The following HOOK3 variants were observed in gnomAD, a reference collection of about 807,000 sequenced individuals.
HOOK3 encodes the protein hook microtubule tethering protein 3.
HOOK3 carries 24 observed loss-of-function variants against 116.3 expected under a neutral mutation model. The observed-to-expected ratio is 0.21, with a 90% CI of 0.15 to 0.29. The LOEUF (loss-of-function observed/expected upper bound fraction) is 0.29. Ranked by LOEUF, HOOK3 falls within the 10% of genes least tolerant of loss-of-function variation. The pLI is 1.00. For synonymous variants in HOOK3, 275 were observed against 283.0 expected (o/e 0.97, Z 0.28); for missense variants, 632 against 830.2 (o/e 0.76, Z 2.93).
chr8:42,968,341 C>G (rs1808669424), intron 11 of HOOK3, 127 bp downstream of exon 11: 2 of 652,466 alleles, frequency 3.1e-6, no homozygotes, highest in South Asian at 2.0e-5. Flanking sequence ...TGTATTGATT[C>G]ATTTAGGAGA....
intron 16 of HOOK3, among the ~76,000 whole-genome samples, chr8:42,999,937 G>C (rs1218638663): frequency 6.6e-6 from 1 of 152,060 alleles, no homozygotes; most frequent in Non-Finnish European, 1.5e-5. Context: ...ACGAGGTCAG[G>C]AGATCGAGAT....
In HOOK3 at chr8:43,018,474, C is replaced by T. The variant is rs756792951; in HGVS notation, c.2133C>T (p.His711=). ...GCAGCAGAAGATCATACCCAGGCCACGTGCAGCCGGCCACAGCAAGGTAGA... is the reference window on the plus strand; with the variant it reads ...GCAGCAGAAGATCATACCCAGGCCATGTGCAGCCGGCCACAGCAAGGTAGA... ...ATSSRRSYPG[H]VQPATAR Residue 711 remains histidine, a synonymous_variant, in exon 22 of 22, where the codon CAC becomes CAT. Transcript: ENST00000307602. 8.7e-6 allele frequency: 14 copies of T among 1,612,544 alleles called. No individual in the cohort carries two copies. Among genetic ancestry groups the T allele is most frequent in the Middle Eastern group, 3.3e-4 (2 of 6,060 alleles).
chr8:42,976,388 T>G (rs939289820), intron 13 of HOOK3, among the ~76,000 whole-genome samples: 1 of 152,042 alleles, frequency 6.6e-6, no homozygotes, highest in African/African-American at 2.4e-5. Context: ...TGTGTGCCTG[T>G]GGGCCCAACT....
chr8:42,936,159 C>T (rs1239696940), intron 4 of HOOK3, among the ~76,000 whole-genome samples: 1 of 152,120 alleles, frequency 6.6e-6, no homozygotes, highest in Non-Finnish European at 1.5e-5. Flanking sequence ...GTAGCAGTTG[C>T]AAATGGGAGT....
intron 3 of HOOK3, among the ~76,000 whole-genome samples, chr8:42,928,646 G>C (rs929214806): frequency 6.6e-5 from 10 of 152,134 alleles, no homozygotes; most frequent in African/African-American, 2.4e-4. Context: ...GTAGTATATG[G>C]AGATGGGTAG....
chr8:42,978,371 G>A (rs527475257), intron 13 of HOOK3, among the ~76,000 whole-genome samples: 5 of 150,976 alleles, frequency 3.3e-5, no homozygotes, highest in African/African-American at 1.2e-4. Context: ...AGCCTCCTGA[G>A]TAGCTGGGAT....
chr8:42,989,876 A>G (rs1809123617), intron 15 of HOOK3, among the ~76,000 whole-genome samples: 1 of 152,176 alleles, frequency 6.6e-6, no homozygotes. Flanking sequence ...ACTTAACATA[A>G]TGACCTTCAG....
chr8:42,943,992 C>G (rs1476516671), intron 5 of HOOK3, among the ~76,000 whole-genome samples: 1 of 152,152 alleles, frequency 6.6e-6, no homozygotes, highest in Non-Finnish European at 1.5e-5. Flanking sequence ...CTGGCAGATA[C>G]TTTTCCTTAA....
chr8:42,916,211 C>T (rs1471069430), intron 2 of HOOK3, among the ~76,000 whole-genome samples: 1 of 152,188 alleles, frequency 6.6e-6, no homozygotes, highest in African/African-American at 2.4e-5. Flanking sequence ...TCTTATCCTG[C>T]TCTATTGTAG....
chr8:42,968,795 A>G (rs972617607), intron 11 of HOOK3, among the ~76,000 whole-genome samples: 1 of 152,206 alleles, frequency 6.6e-6, no homozygotes, highest in African/African-American at 2.4e-5. Context: ...GTAAATATTC[A>G]TGCTTGAATA....
chr8:42,996,745 A>T (rs1809276621), intron 15 of HOOK3, among the ~76,000 whole-genome samples: 1 of 152,172 alleles, frequency 6.6e-6, no homozygotes, highest in Non-Finnish European at 1.5e-5. Context: ...TCAAGCCCAG[A>T]GTATTTTAAC....
chr8:42,900,291 C>G (rs1352776812), intron 1 of HOOK3, among the ~76,000 whole-genome samples: 2 of 152,140 alleles, frequency 1.3e-5, no homozygotes, highest in Admixed American at 6.5e-5. Flanking sequence ...TTTGCCCTGC[C>G]AATTACACCT....
At chr8:42,945,374 A>T (rs1173191462) in intron 5 of HOOK3, among the ~76,000 whole-genome samples, 1 of 152,018 alleles carries the variant, frequency 6.6e-6, no homozygotes, top group Non-Finnish European at 1.5e-5. Context: ...CAGTGGCATG[A>T]TCTCAGCTCA....
chr8:42,929,989 C>G, intron 3 of HOOK3, 133 bp from the exon 4 acceptor site: 1 of 758,988 alleles, frequency 1.3e-6, no homozygotes, highest in Non-Finnish European at 2.0e-6. Context: ...TTCAAATATG[C>G]TTTTGAATTT....
intron 4 of HOOK3, among the ~76,000 whole-genome samples, chr8:42,935,343 C>T (rs1807947251): frequency 6.6e-6 from 1 of 152,010 alleles, no homozygotes; most frequent in African/African-American, 2.4e-5. Context: ...TGTAGGTTGC[C>T]TTTTCACTCT....
chr8:42,960,606 C>G (rs546922658), intron 8 of HOOK3, among the ~76,000 whole-genome samples: 13 of 152,220 alleles, frequency 8.5e-5, no homozygotes, highest in Admixed American at 8.5e-4. Context: ...TGATGGCTTT[C>G]ATCTTAACCA....
chr8:42,963,696 G>A (rs1808578268), intron 8 of HOOK3, among the ~76,000 whole-genome samples: 1 of 152,166 alleles, frequency 6.6e-6, no homozygotes, highest in South Asian at 2.1e-4. Flanking sequence ...TCTAGTGGGA[G>A]TGTAGTTATA....
At chr8:42,920,598 G>A (rs897556760) in intron 2 of HOOK3, among the ~76,000 whole-genome samples, 1 of 152,158 alleles carries the variant, frequency 6.6e-6, no homozygotes, top group Non-Finnish European at 1.5e-5. Context: ...GATGAATGAC[G>A]CTGGTCTTTT....
chr8:43,017,881 A>G (rs1304864598), intron 21 of HOOK3, among the ~76,000 whole-genome samples: 1 of 152,158 alleles, frequency 6.6e-6, no homozygotes, highest in Non-Finnish European at 1.5e-5. Flanking sequence ...TGAGAATACA[A>G]ATCTGCCTTG....
Sources: allele counts gnomAD v4.1 joint callset (sites outside exome capture counted in the v4.1 genomes callset), GRCh38; gene constraint gnomAD v4.1.1; transcripts MANE v1.5; gene names NCBI Gene and HGNC (gene_info 2026-07-23, HGNC 2026-07-21).